The following CELSR1 variants were observed in gnomAD, a reference collection of about 807,000 sequenced individuals.
CELSR1 encodes adhesion G protein-coupled receptor C1.
Under a neutral mutation model 249.1 loss-of-function variants are expected in CELSR1, and 110 were observed. The ratio of observed to expected loss-of-function variants is 0.44; its 90% CI spans 0.38 to 0.52. CELSR1 has a LOEUF of 0.52. CELSR1 is among the 20% of genes least tolerant of loss of function. The probability of loss-of-function intolerance (pLI) is 0.00; values close to 1 mark genes in which losing one functional copy is unlikely to be tolerated. For missense variants in CELSR1, 4,109 were observed against 4,296.4 expected (o/e 0.96, Z 1.22); for synonymous variants, 2,113 against 1,900.0 (o/e 1.11, Z -2.92).
chr22:46,495,196 C>G (rs1474000319), intron 1 of CELSR1, among the ~76,000 whole-genome samples: 2 of 152,188 alleles, frequency 1.3e-5, no homozygotes, highest in African/African-American at 4.8e-5. Flanking sequence ...TTAGACATGG[C>G]TGGTACAGCC....
At position 46,382,036 on chromosome 22, in the gene CELSR1, T is replaced by C; in HGVS notation, c.6898A>G (p.Arg2300Gly). The change falls in exon 21 of 35, where the codon AGG (arginine) becomes GGG (glycine). Residue 2300 changes from arginine (R) to glycine (G), a missense_variant. Physicochemically the swap from Arg to Gly is moderately radical, Grantham distance 125. Transcript: ENST00000674500. ...GGGGTGGTCCTCCGGCCAGCCGGCCTCAGCAGGGGGCCTTCTGCAATGTGA... is the reference window on the plus strand; with the variant it reads ...GGGGTGGTCCTCCGGCCAGCCGGCCCCAGCAGGGGGCCTTCTGCAATGTGA... ...PPEEKEGPLLRPAGRRTTPQT... is the reference protein window; with the variant it reads ...PPEEKEGPLLGPAGRRTTPQT... The C allele has an allele frequency of 1.3e-6, 2 of 1,542,878 alleles. No individual in the cohort carries two copies. The highest frequency in any genetic ancestry group is 1.7e-6 in the Non-Finnish European group (2 of 1,143,790).
In CELSR1 at chr22:46,535,191, C is replaced by T. The variant is rs2080838568; in HGVS notation, c.1980G>A (p.Val660=). The change falls in exon 1 of 35, where the codon GTG becomes GTA. Residue 660 remains valine, a synonymous_variant. Coordinates refer to ENST00000674500, the MANE Select transcript of CELSR1 (RefSeq NM_001378328.1). ...AGCTCATGGGGGGCGAGCCGTGGTCCACCGCCTCCACCCCGAAGCTGTAGT... is the reference window on the plus strand; with the variant it reads ...AGCTCATGGGGGGCGAGCCGTGGTCTACCGCCTCCACCCCGAAGCTGTAGT... ...VEHYSFGVEA[V]DHGSPPMSSS... 1.2e-6 allele frequency: 2 copies of T among 1,608,790 alleles called. No homozygotes were observed. The highest frequency in any genetic ancestry group is 8.5e-7 in the Non-Finnish European group (1 of 1,179,794).
Position 46,390,494 on chromosome 22 carries a change from A to AG in CELSR1, c.6251-9dup. On this transcript the variant is annotated splice_polypyrimidine_tract_variant and intron_variant, in intron 16 of 34. Transcript: ENST00000674500. This position sits in a 1 kb window ranked among gnomAD's most constrained non-coding sequence, Gnocchi z 6.3. ...AGTGTCGGACCGCATTTCCTGGGGA[A>AG]GGAGAGCAGGTGTGCAAAGCCTGAA... is the stretch of plus-strand genomic sequence containing the variant. 1.2e-6 allele frequency: 2 copies of AG among 1,610,666 alleles called. No individual in the cohort carries two copies. Among genetic ancestry groups the AG allele is most frequent in the South Asian group, 2.2e-5 (2 of 90,644 alleles).
intron 2 of CELSR1, among the ~76,000 whole-genome samples, chr22:46,443,348 G>A (rs531799376): frequency 3.9e-5 from 6 of 152,294 alleles, no homozygotes; most frequent in East Asian, 1.9e-4. Flanking sequence ...GATCCCATCC[G>A]CCTGTTCTGC....
chr22:46,361,439 C>T lies in CELSR1; in HGVS notation c.*1784G>A, dbSNP rs528077652. ...AAAAAAATAGAACAAAAAAATTACA[C>T]CTCAGGGGGCAGAATCCTGTTAAAG... On this transcript the variant is annotated 3_prime_UTR_variant, in exon 35 of 35. Coordinates refer to ENST00000674500, the MANE Select transcript of CELSR1 (RefSeq NM_001378328.1). 1 of 152,098 alleles carries T rather than the reference C, an allele frequency of 6.6e-6. No homozygotes were observed. The highest frequency in any genetic ancestry group is 2.4e-5 in the African/African-American group (1 of 41,212). 9.4% of individuals were successfully genotyped at this position (152,098 alleles called of 1,614,324 possible). A position where few individuals can be genotyped will look rare whatever the true frequency, so the allele number is the denominator to read the frequency against.
In CELSR1 at chr22:46,395,572, A is replaced by G. The variant is rs1013263005; in HGVS notation, c.5843+1033T>C. 6.6e-6 allele frequency among the ~76,000 whole-genome samples: 1 copy of G among 152,164 alleles called. No individual in the cohort carries two copies. Among genetic ancestry groups the G allele is most frequent in the Non-Finnish European group, 1.5e-5 (1 of 68,028 alleles). On this transcript the variant is annotated intron_variant, in intron 13 of 34. Coordinates refer to ENST00000674500, the MANE Select transcript of CELSR1 (RefSeq NM_001378328.1). This position sits in a 1 kb window ranked among gnomAD's most constrained non-coding sequence, Gnocchi z 5.5. ...CATCACATCTTGCTGATATCCAAGA[A>G]TGATGTGGTGCCATCTTCTCGTGAG... is the stretch of plus-strand genomic sequence containing the variant.
chr22:46,419,267 G>A (rs1365636752), intron 5 of CELSR1, among the ~76,000 whole-genome samples: 1 of 152,120 alleles, frequency 6.6e-6, no homozygotes, highest in Non-Finnish European at 1.5e-5. Context: ...ACAAATGAAG[G>A]GCCAAAATGC....
chr22:46,528,246 T>C (rs898923701), intron 1 of CELSR1, among the ~76,000 whole-genome samples: 3 of 152,194 alleles, frequency 2.0e-5, no homozygotes, highest in African/African-American at 7.2e-5. Flanking sequence ...TGCAATATCC[T>C]GTATTTAACT....
chr22:46,419,973 A>G (rs924118930), intron 5 of CELSR1, among the ~76,000 whole-genome samples: 4 of 150,124 alleles, frequency 2.7e-5, no homozygotes, highest in Non-Finnish European at 1.5e-5. Context: ...ACGTGCACTC[A>G]CCCTTATGTA....
At chr22:46,384,263 G>C (rs2079008988) in intron 20 of CELSR1, among the ~76,000 whole-genome samples, 1 of 152,162 alleles carries the variant, frequency 6.6e-6, no homozygotes, top group Admixed American at 6.6e-5. Context: ...ATTGTTTCAT[G>C]CTTACGCTCC....
chr22:46,370,567 AGGT>A (rs2147179860), intron 25 of CELSR1, among the ~76,000 whole-genome samples: 1 of 152,352 alleles, frequency 6.6e-6, no homozygotes, highest in South Asian at 2.1e-4. Context: ...CAGAGCATCA[AGGT>A]GACACTTGGG....
rs1392677432 is a variant in CELSR1, at chr22:46,536,025, C to A, written c.1146G>T (p.Ser382=). Residue 382 remains serine, a synonymous_variant, in exon 1 of 35, where the codon TCG becomes TCT. Transcript: ENST00000674500. ...VLTIRASDRD[S]PINANLRYRV... ...GGTAACGCAAGTTGGCGTTGATGGG[C>A]GAGTCGCGGTCGCTGGCGCGGATGG... 1 of 1,610,332 alleles carries A rather than the reference C, an allele frequency of 6.2e-7. No individual in the cohort carries two copies. Among genetic ancestry groups the A allele is most frequent in the Non-Finnish European group, 8.5e-7 (1 of 1,179,912 alleles).
At position 46,534,296 on chromosome 22, in the gene CELSR1, C is replaced by T. The variant is rs2080825198; in HGVS notation, c.2875G>A (p.Glu959Lys). The T allele has an allele frequency of 6.2e-7, 1 of 1,613,076 alleles. No individual in the cohort carries two copies. The highest frequency in any genetic ancestry group is 1.1e-5 in the South Asian group (1 of 91,084). ...VIRTQRRLDR[E>K]NVAVYNLWAL... Reference sequence around the variant, plus strand: ...CAAAGGTTGTACACGGCCACATTCTCCCGGTCCAGCCGGCGCTGGGTGCGA... The same window carrying T: ...CAAAGGTTGTACACGGCCACATTCTTCCGGTCCAGCCGGCGCTGGGTGCGA... The change falls in exon 1 of 35, where the codon GAG becomes AAG. Residue 959 changes from glutamate to lysine, a missense_variant. Glu to Lys is a moderately conservative substitution (Grantham distance 56, BLOSUM62 1). Around this residue, in one of 7 missense-constraint regions of CELSR1, gnomAD observed 886 missense variants for 896.5 expected, o/e 0.99. Transcript: ENST00000674500. This position sits in a 1 kb window ranked among gnomAD's most constrained non-coding sequence, Gnocchi z 9.7.
intron 24 of CELSR1, 64 bp from the exon 25 acceptor site, chr22:46,373,121 A>T: frequency 4.1e-5 from 58 of 1,417,532 alleles, no homozygotes; most frequent in Non-Finnish European, 4.8e-5. Context: ...GACAGGCATG[A>T]GTGAGGGGTG....
intron 3 of CELSR1, among the ~76,000 whole-genome samples, chr22:46,438,190 A>G (rs987795309): frequency 5.9e-5 from 9 of 152,330 alleles, no homozygotes; most frequent in Non-Finnish European, 1.2e-4. Context: ...CAAGGCCCAG[A>G]GAAGGGGGCC....
At position 46,526,610 on chromosome 22, in the gene CELSR1, C is replaced by T. The variant is rs776426169; in HGVS notation, c.3544+7017G>A. Among the ~76,000 whole-genome samples the T allele has an allele frequency of 5.3e-5, 8 of 152,218 alleles. No individual in the cohort carries two copies. Among genetic ancestry groups the T allele is most frequent in the African/African-American group, 1.2e-4 (5 of 41,462 alleles). On this transcript the variant is annotated intron_variant, in intron 1 of 34. Coordinates refer to ENST00000674500, the MANE Select transcript of CELSR1 (RefSeq NM_001378328.1). The surrounding 1 kb of genome is among the most constrained non-coding windows in gnomAD (Gnocchi z 4.7). Reference sequence around the variant, plus strand: ...TCCAACCGCCAGACGGCATCCATCACGGATGACCCCCTCGGAGACACTCGC... The same window carrying T: ...TCCAACCGCCAGACGGCATCCATCATGGATGACCCCCTCGGAGACACTCGC...
chr22:46,372,244 T>C, intron 25 of CELSR1, among the ~76,000 whole-genome samples: 1 of 117,750 alleles, frequency 8.5e-6, no homozygotes, highest in Non-Finnish European at 1.8e-5. Flanking sequence ...ATCCACTCAC[T>C]CACCCCTCCA....
chr22:46,430,222 C>T lies in CELSR1; in HGVS notation c.4611+3171G>A, dbSNP rs1005678227. 2.0e-5 allele frequency among the ~76,000 whole-genome samples: 3 copies of T among 152,216 alleles called. No individual in the cohort carries two copies. The highest frequency in any genetic ancestry group is 4.4e-5 in the Non-Finnish European group (3 of 68,032). Reference sequence around the variant, plus strand: ...CTGAAGAGAGGAGGGTGGGCAGCAGCGGCATGGCCCGCACCAATGCTTCCA... The same window carrying T: ...CTGAAGAGAGGAGGGTGGGCAGCAGTGGCATGGCCCGCACCAATGCTTCCA... On this transcript the variant is annotated intron_variant, in intron 5 of 34. Transcript: ENST00000674500. The surrounding 1 kb of genome is among the most constrained non-coding windows in gnomAD (Gnocchi z 4.6).
In CELSR1 at chr22:46,524,541, C is replaced by CGCGTGTGTGTGT. The variant is rs1194384146; in HGVS notation, c.3544+9085_3544+9086insACACACACACGC. 1.5e-4 allele frequency among the ~76,000 whole-genome samples: 12 copies of CGCGTGTGTGTGT among 77,876 alleles called. No individual in the cohort carries two copies. In the South Asian group the frequency reaches 3.3e-3, roughly 22 times the overall value. 51.1% of individuals were successfully genotyped at this position (77,876 alleles called of 152,430 possible). On this transcript the variant is annotated intron_variant, in intron 1 of 34. Transcript: ENST00000674500. ...AAACGGCCCCCACCCCCGTTGTGTG[C>CGCGTGTGTGTGT]GTGTGTGTGTGTGTGTGTGTGTGTG... is the stretch of plus-strand genomic sequence containing the variant.
Sources: gnomAD v4.1 joint callset for allele counts (sites outside exome capture counted in the v4.1 genomes callset) on GRCh38, gnomAD v4.1.1 for gene constraint, gnomAD v4.1.1 regional missense constraint, Gnocchi (gnomAD v3.1) non-coding constraint, MANE v1.5 for transcripts, NCBI Gene and HGNC (gene_info 2026-07-23, HGNC 2026-07-21) for gene names.